KCNMA1: variants seen among roughly 807,000 people sequenced by gnomAD.
KCNMA1 encodes Calcium-activated potassium channel subunit alpha-1.
A neutral mutation model predicts 140.0 loss-of-function variants in KCNMA1; 29 were observed. The observed-to-expected ratio is 0.21, with a 90% CI of 0.15 to 0.28. The LOEUF is 0.28. KCNMA1 is among the 10% of genes least tolerant of loss of function. KCNMA1 has a pLI of 1.00. For missense variants in KCNMA1, 880 were observed against 1,602.2 expected (o/e 0.55, Z 7.70); for synonymous variants, 612 against 611.9 (o/e 1.00, Z 0.00).
Position 76,953,889 on chromosome 10 carries a change from A to G in KCNMA1, c.2396T>C (p.Ile799Thr), listed in dbSNP as rs1291002490. The stretch of plus-strand genomic sequence containing the variant: ...CTTCACATTGGAGTCCATGTTGTCA[A>G]TCTGATCATTGCCAGGAATTAACAA... The part of the protein sequence containing the change: ...DPLLIPGNDQ[I>T]DNMDSNVKKY... Residue 799 changes from isoleucine to threonine, a missense_variant, in exon 21 of 28, where the codon ATT (isoleucine) becomes ACT (threonine). Ile to Thr is a moderately conservative substitution (Grantham distance 89). Transcript: ENST00000286628. 14 of 1,614,140 alleles carry G rather than the reference A, an allele frequency of 8.7e-6. No homozygotes were observed. Among genetic ancestry groups the G allele is most frequent in the Non-Finnish European group, 1.2e-5 (14 of 1,179,980 alleles).
chr10:77,444,378 AG>A, intron 1 of KCNMA1, among the ~76,000 whole-genome samples: 1 of 152,326 alleles, frequency 6.6e-6, no homozygotes, highest in South Asian at 2.1e-4. Context: ...GGAGGAGGAG[AG>A]AAAGAGAACT....
intron 1 of KCNMA1, among the ~76,000 whole-genome samples, chr10:77,500,616 T>A (rs1284743801): frequency 2.6e-5 from 4 of 152,090 alleles, no homozygotes; most frequent in Non-Finnish European, 5.9e-5. Flanking sequence ...TAATCCAAAG[T>A]GAGTATCTAA....
intron 23 of KCNMA1, among the ~76,000 whole-genome samples, chr10:76,933,759 G>A (rs2059840888): frequency 6.6e-6 from 1 of 152,136 alleles, no homozygotes; most frequent in African/African-American, 2.4e-5. Context: ...CTGGAGATCT[G>A]TAACAAGATG....
At chr10:77,029,518 C>G (rs1022247807) in intron 15 of KCNMA1, among the ~76,000 whole-genome samples, 1 of 152,170 alleles carries the variant, frequency 6.6e-6, no homozygotes, top group Non-Finnish European at 1.5e-5. Flanking sequence ...ACATCTTGAT[C>G]TCCAGTGAAG....
At chr10:77,050,228 T>C (rs1594771405) in intron 14 of KCNMA1, among the ~76,000 whole-genome samples, 1 of 151,810 alleles carries the variant, frequency 6.6e-6, no homozygotes, top group South Asian at 2.1e-4. Context: ...GGCAAGTTCA[T>C]TATTCCTAAA....
intron 2 of KCNMA1, among the ~76,000 whole-genome samples, chr10:77,317,097 G>A (rs1565933164): frequency 6.6e-6 from 1 of 152,154 alleles, no homozygotes; most frequent in East Asian, 1.9e-4. Context: ...TCACGTACCT[G>A]TAGTGCCTTC....
Position 76,952,153 on chromosome 10 carries a change from C to A in KCNMA1, c.2484+1648G>T, listed in dbSNP as rs1341618143. 1.0e-5 allele frequency: 16 copies of A among 1,551,452 alleles called. No homozygotes were observed. The East Asian group carries it at 3.9e-4, about 38-fold the overall frequency. On this transcript the variant is annotated intron_variant, in intron 21 of 27. Coordinates refer to ENST00000286628, the MANE Select transcript of KCNMA1 (RefSeq NM_001161352.2). ...CTAGGTCCCAGATACGGCATCCAGCCTGTGACCTGCCACAAGTGGTAACAT... is the reference window on the plus strand; with the variant it reads ...CTAGGTCCCAGATACGGCATCCAGCATGTGACCTGCCACAAGTGGTAACAT...
At position 77,275,043 on chromosome 10, in the gene KCNMA1, G is replaced by C. The variant is rs921592363; in HGVS notation, c.541-23787C>G. On this transcript the variant is annotated intron_variant, in intron 2 of 27. Coordinates refer to ENST00000286628, the MANE Select transcript of KCNMA1 (RefSeq NM_001161352.2). ...TCCCAGGCAGATGTGTGCTTTTAGT[G>C]CAAAACCTTGGCAATCATTATCTTG... Among the ~76,000 whole-genome samples, 12 of 152,190 alleles carry C rather than the reference G, an allele frequency of 7.9e-5. No homozygotes were observed. In the East Asian group the frequency reaches 2.3e-3, roughly 29 times the overall value.
At chr10:77,407,224 T>C (rs948272803) in intron 1 of KCNMA1, among the ~76,000 whole-genome samples, 1 of 152,164 alleles carries the variant, frequency 6.6e-6, no homozygotes, top group Non-Finnish European at 1.5e-5. Flanking sequence ...TAAAGCCTGA[T>C]GCCAGCCGGC....
At chr10:77,366,501 T>A (rs2094374451) in intron 2 of KCNMA1, among the ~76,000 whole-genome samples, 1 of 152,156 alleles carries the variant, frequency 6.6e-6, no homozygotes, top group South Asian at 2.1e-4. Flanking sequence ...ATTATTTCAT[T>A]TTTGGAGTCA....
At chr10:77,441,840 T>C (rs1244058784) in intron 1 of KCNMA1, among the ~76,000 whole-genome samples, 2 of 150,010 alleles carry the variant, frequency 1.3e-5, no homozygotes, top group Non-Finnish European at 3.0e-5. Flanking sequence ...TGAGATCTTT[T>C]TTTTTTCTTC....
At chr10:77,023,257 T>C (rs1160722661) in intron 16 of KCNMA1, among the ~76,000 whole-genome samples, 1 of 152,186 alleles carries the variant, frequency 6.6e-6, no homozygotes, top group Non-Finnish European at 1.5e-5. Flanking sequence ...CTTTACTTGT[T>C]TCCTGTTTCT....
chr10:77,190,592 C>T (rs1301081390), intron 3 of KCNMA1, among the ~76,000 whole-genome samples: 2 of 152,096 alleles, frequency 1.3e-5, no homozygotes, highest in South Asian at 4.1e-4. Context: ...ATTCATAAAT[C>T]CTTCATAGAG....
intron 14 of KCNMA1, among the ~76,000 whole-genome samples, chr10:77,058,439 C>A (rs2095622561): frequency 1.3e-5 from 2 of 151,908 alleles, no homozygotes; most frequent in Non-Finnish European, 2.9e-5. Context: ...AACACTCTGC[C>A]CAACAATAGC....
At chr10:77,047,929 G>C (rs147417162) in intron 14 of KCNMA1, among the ~76,000 whole-genome samples, 1 of 152,174 alleles carries the variant, frequency 6.6e-6, no homozygotes, top group East Asian at 1.9e-4. Context: ...TACCCCATCT[G>C]AGGTGAGGGA....
chr10:77,349,998 A>G (rs287173), intron 2 of KCNMA1, among the ~76,000 whole-genome samples: 37,016 of 152,066 alleles, frequency 0.24, 4,874 homozygotes, highest in Admixed American at 0.29. Context: ...TCCCAGGCTC[A>G]AGCGATTCTC....
chr10:77,407,399 T>C (rs1363581807), intron 1 of KCNMA1, among the ~76,000 whole-genome samples: 1 of 152,236 alleles, frequency 6.6e-6, no homozygotes, highest in Non-Finnish European at 1.5e-5. Flanking sequence ...GCTGGGAACA[T>C]GCAGGGGCAG....
At chr10:76,963,604 C>A (rs924478926) in intron 20 of KCNMA1, among the ~76,000 whole-genome samples, 1 of 152,130 alleles carries the variant, frequency 6.6e-6, no homozygotes, top group Non-Finnish European at 1.5e-5. Flanking sequence ...ATTCTGGGTG[C>A]CTACTCTGAT....
intron 5 of KCNMA1, among the ~76,000 whole-genome samples, chr10:77,122,556 GA>G (rs543433004): frequency 1.1e-3 from 152 of 143,546 alleles, no homozygotes; most frequent in Non-Finnish European, 1.4e-3. Flanking sequence ...GAGAAAGGGA[GA>G]AAAAAAAAAG....
Sources: gnomAD v4.1 joint callset for allele counts (sites outside exome capture counted in the v4.1 genomes callset) on GRCh38, gnomAD v4.1.1 for gene constraint, MANE v1.5 for transcripts, NCBI Gene and HGNC (gene_info 2026-07-23, HGNC 2026-07-21) for gene names.